Variants in EVC2 observed in about 807,000 individuals in gnomAD.
EVC2 encodes the protein EvC ciliary complex subunit 2.
EVC2 carries 148 observed loss-of-function variants against 149.3 expected under a neutral mutation model. The observed-to-expected ratio is 0.99, with a 90% CI of 0.87 to 1.14. EVC2 has a LOEUF of 1.14. Among genes scored for constraint, EVC2 ranks in the 50% most tolerant of loss-of-function variants. The pLI is 0.00. For missense variants in EVC2, 1,854 were observed against 1,627.3 expected (o/e 1.14, Z -2.40); for synonymous variants, 776 against 649.9 (o/e 1.19, Z -2.95).
At position 5,706,389 on chromosome 4, in the gene EVC2, G is replaced by C. The variant is rs71612250; in HGVS notation, c.228+1897C>G. 1.0e-3 allele frequency among the ~76,000 whole-genome samples: 74 copies of C among 72,390 alleles called. 2 individuals are homozygous for C. Among genetic ancestry groups the C allele is most frequent in the African/African-American group, 1.7e-3 (25 of 14,914 alleles). 47.5% of individuals were successfully genotyped at this position (72,390 alleles called of 152,430 possible). On this transcript the variant is annotated intron_variant, in intron 1 of 21. Coordinates refer to ENST00000344408, the MANE Select transcript of EVC2 (RefSeq NM_147127.5). ...AGATACATAGATAGATACATAGATA[G>C]ATACATAGATAGATAGATAGATACA...
rs1300233955 is a variant in EVC2, at chr4:5,622,793, C to T, written c.2245G>A (p.Asp749Asn). The T allele has an allele frequency of 2.5e-6, 4 of 1,614,084 alleles. No homozygotes were observed. The highest frequency in any genetic ancestry group is 3.3e-5 in the Admixed American group (2 of 60,024). ...LTLSLFEKAT[D>N]ELRRLQNSAM... ...GAGTTCTGCAGGCGCCGCAGCTCGTCGGTGGCCTTTTCAAACAGCGAAAGG... is the reference window on the plus strand; with the variant it reads ...GAGTTCTGCAGGCGCCGCAGCTCGTTGGTGGCCTTTTCAAACAGCGAAAGG... Residue 749 changes from aspartate to asparagine, a missense_variant, in exon 14 of 22, where the codon GAC becomes AAC. Transcript: ENST00000344408. This position sits in a 1 kb window ranked among gnomAD's most constrained non-coding sequence, Gnocchi z 5.8.
At chr4:5,564,024 C>G (rs1722116197) in intron 21 of EVC2, among the ~76,000 whole-genome samples, 1 of 152,120 alleles carries the variant, frequency 6.6e-6, no homozygotes, top group African/African-American at 2.4e-5. Flanking sequence ...CTGAAAGCCA[C>G]AGCGCTCTCT....
At chr4:5,684,620 T>C (rs977101435) in intron 6 of EVC2, among the ~76,000 whole-genome samples, 1 of 151,224 alleles carries the variant, frequency 6.6e-6, no homozygotes, top group Non-Finnish European at 1.5e-5. Context: ...CCAGCCAGCA[T>C]TCACTGCGTA....
chr4:5,543,607 G>C (rs181450104), intron 21 of EVC2, among the ~76,000 whole-genome samples: 93 of 152,320 alleles, frequency 6.1e-4, no homozygotes, highest in Non-Finnish European at 1.1e-3. Flanking sequence ...GAGGAAGAGA[G>C]GAGAATCGGG....
At chr4:5,694,707 G>A (rs916029875) in intron 2 of EVC2, among the ~76,000 whole-genome samples, 4 of 152,128 alleles carry the variant, frequency 2.6e-5, no homozygotes, top group African/African-American at 9.7e-5. Flanking sequence ...CTTAAGAAGA[G>A]CATTTTTCAA....
At chr4:5,530,207 C>A in the EVC2 span, among the ~76,000 whole-genome samples, 1 of 152,142 alleles carries the variant, frequency 6.6e-6, no homozygotes, top group South Asian at 2.1e-4. Flanking sequence ...TAGGGGCACT[C>A]GGATGGATGC....
intron 7 of EVC2, among the ~76,000 whole-genome samples, chr4:5,669,788 G>A (rs193055807): frequency 1.2e-3 from 178 of 152,296 alleles, no homozygotes; most frequent in Non-Finnish European, 2.1e-3. Context: ...GAAGAGTAGA[G>A]GTACTGTGGG....
Position 5,640,933 on chromosome 4 carries a change from G to T in EVC2, c.1146-95C>A. 7.1e-7 allele frequency: 1 copy of T among 1,408,390 alleles called. No individual in the cohort carries two copies. Among genetic ancestry groups the T allele is most frequent in the Non-Finnish European group, 1.0e-6 (1 of 1,002,662 alleles). 87.2% of individuals were successfully genotyped at this position (1,408,390 alleles called of 1,614,324 possible). A position where few individuals can be genotyped will look rare whatever the true frequency, so the allele number is the denominator to read the frequency against. On this transcript the variant is annotated intron_variant, in intron 9 of 21. Transcript: ENST00000344408. The surrounding 1 kb of genome is among the most constrained non-coding windows in gnomAD (Gnocchi z 4.6). ...CTCTGAGGTTTTCATTTATGTGTAG[G>T]CAAGGGCTTTCTTCGTCTTCCTTTT...
chr4:5,644,550 G>A (rs745405332), intron 9 of EVC2, among the ~76,000 whole-genome samples: 22 of 152,114 alleles, frequency 1.4e-4, no homozygotes, highest in Non-Finnish European at 2.4e-4. Context: ...TGATCTGCCC[G>A]CCTCAGCCTC....
At position 5,681,159 on chromosome 4, in the gene EVC2, C is replaced by T. The variant is rs1023826628; in HGVS notation, c.870+101G>A. ...CAGTCTCAACGCATAACTGGGGGAC[C>T]AAGGCCAGCAGCTGGCCGCTCCCCA... On this transcript the variant is annotated intron_variant, in intron 7 of 21. Coordinates refer to ENST00000344408, the MANE Select transcript of EVC2 (RefSeq NM_147127.5). 5.1e-6 allele frequency: 7 copies of T among 1,375,506 alleles called. No individual in the cohort carries two copies. The African/African-American group carries it at 8.6e-5, about 17-fold the overall frequency. The allele number at this position is 1,375,506 out of a possible 1,614,324, so 85.2% of individuals were successfully genotyped here. A position where few individuals can be genotyped will look rare whatever the true frequency, so the allele number is the denominator to read the frequency against.
At chr4:5,612,949 A>AG (rs1324710614) in intron 16 of EVC2, among the ~76,000 whole-genome samples, 2 of 137,474 alleles carry the variant, frequency 1.5e-5, no homozygotes, top group Non-Finnish European at 3.0e-5. Context: ...AAAAAAAAAA[A>AG]GAAATAATTA....
intron 2 of EVC2, 22 bp downstream of exon 2, chr4:5,697,571 A>T (rs1449199130): frequency 6.2e-7 from 1 of 1,613,956 alleles, no homozygotes; most frequent in South Asian, 1.1e-5. Flanking sequence ...ACAGGGGAAC[A>T]TCAACCAGAA....
the EVC2 span, among the ~76,000 whole-genome samples, chr4:5,529,542 A>G: frequency 6.6e-6 from 1 of 152,198 alleles, no homozygotes; most frequent in Admixed American, 6.5e-5. The surrounding 1 kb of genome is among the most constrained non-coding windows in gnomAD (Gnocchi z 4.5). Context: ...GAACCTGGCT[A>G]GACTGTGAGC....
In EVC2 at chr4:5,677,982, G is replaced by T. The variant is rs1290403809; in HGVS notation, c.870+3278C>A. 1.3e-5 allele frequency among the ~76,000 whole-genome samples: 2 copies of T among 152,212 alleles called. No homozygotes were observed. Among genetic ancestry groups the T allele is most frequent in the Admixed American group, 1.3e-4 (2 of 15,282 alleles). Reference sequence around the variant, plus strand: ...CAGTGCCTGACAGCAGGGCTCTGGAGCCAAACTGCTTGGGTTCAAATCCTG... The same window carrying T: ...CAGTGCCTGACAGCAGGGCTCTGGATCCAAACTGCTTGGGTTCAAATCCTG... On this transcript the variant is annotated intron_variant, in intron 7 of 21. Coordinates refer to ENST00000344408, the MANE Select transcript of EVC2 (RefSeq NM_147127.5). The surrounding 1 kb of genome is among the most constrained non-coding windows in gnomAD (Gnocchi z 4.3).
intron 16 of EVC2, among the ~76,000 whole-genome samples, chr4:5,612,242 G>A (rs1367742103): frequency 1.3e-5 from 2 of 152,038 alleles, no homozygotes; most frequent in African/African-American, 4.8e-5. Flanking sequence ...TAGCTTTAGC[G>A]TGCTGACCCC....
chr4:5,530,217 C>A, the EVC2 span, among the ~76,000 whole-genome samples: 1 of 152,128 alleles, frequency 6.6e-6, no homozygotes, highest in Non-Finnish European at 1.5e-5. Context: ...CGGATGGATG[C>A]CAGGCTTCCA....
rs1192007657 is a variant in EVC2 at position 5,679,059 on chromosome 4, G to C, written c.870+2201C>G. On this transcript the variant is annotated intron_variant, in intron 7 of 21. Coordinates refer to ENST00000344408, the MANE Select transcript of EVC2 (RefSeq NM_147127.5). This position sits in a 1 kb window ranked among gnomAD's most constrained non-coding sequence, Gnocchi z 5.1. ...AAAGAAAGAAAGAAAAGAAAAATATGTACAAAAGACAAAAAAAAAAATACA... is the reference window on the plus strand; with the variant it reads ...AAAGAAAGAAAGAAAAGAAAAATATCTACAAAAGACAAAAAAAAAAATACA... 6.9e-6 allele frequency among the ~76,000 whole-genome samples: 1 copy of C among 145,484 alleles called. No individual in the cohort carries two copies. Among genetic ancestry groups the C allele is most frequent in the East Asian group, 2.2e-4 (1 of 4,498 alleles).
intron 1 of EVC2, among the ~76,000 whole-genome samples, chr4:5,703,025 T>A (rs187226430): frequency 6.6e-6 from 1 of 152,244 alleles, no homozygotes; most frequent in Non-Finnish European, 1.5e-5. Flanking sequence ...CATATTACTA[T>A]GTATTGCCAT....
rs147015327 is a variant in EVC2, at chr4:5,622,860, C to T, written c.2178G>A (p.Glu726=). ...EHGATLEELQ[E]RLDQAALDDL... ...CGTCCAGGGCGGCCTGGTCCAGACG[C>T]TCCTGCAGCTCCTCCAGGGTGGCAC... The change falls in exon 14 of 22, where the codon GAG becomes GAA. Residue 726 remains glutamate (E), a synonymous_variant. Transcript: ENST00000344408. This position sits in a 1 kb window ranked among gnomAD's most constrained non-coding sequence, Gnocchi z 5.8. The T allele has an allele frequency of 1.0e-4, 168 of 1,614,172 alleles. 2 individuals are homozygous for T. In the African/African-American group the frequency reaches 1.5e-3, roughly 15 times the overall value.
Sources: gnomAD v4.1 joint callset for allele counts (sites outside exome capture counted in the v4.1 genomes callset) on GRCh38, gnomAD v4.1.1 for gene constraint, Gnocchi (gnomAD v3.1) non-coding constraint, MANE v1.5 for transcripts, NCBI Gene and HGNC (gene_info 2026-07-23, HGNC 2026-07-21) for gene names.